Variants in PPP3CA observed in about 807,000 individuals in gnomAD.
PPP3CA encodes the protein CAM-PRP catalytic subunit.
In PPP3CA, 14 loss-of-function variants were observed where a neutral mutation model predicts 66.5. That is an observed-to-expected ratio of 0.21 (90% CI 0.14 to 0.33). The LOEUF (loss-of-function observed/expected upper bound fraction) is 0.33. Ranked by LOEUF, PPP3CA falls within the 10% of genes least tolerant of loss-of-function variation. PPP3CA has a pLI of 1.00. For synonymous variants in PPP3CA, 232 were observed against 226.2 expected (o/e 1.03, Z -0.23); for missense variants, 317 against 639.5 (o/e 0.50, Z 5.44).
At chr4:101,203,567 C>A (rs572578228) in intron 1 of PPP3CA, among the ~76,000 whole-genome samples, 1 of 152,104 alleles carries the variant, frequency 6.6e-6, no homozygotes, top group Non-Finnish European at 1.5e-5. Context: ...AAAATAAGTA[C>A]CTGAGCAGGA....
chr4:101,274,921 T>C (rs1243509915), intron 1 of PPP3CA, among the ~76,000 whole-genome samples: 1 of 152,214 alleles, frequency 6.6e-6, no homozygotes, highest in Admixed American at 6.5e-5. Context: ...TGAGATAAAT[T>C]GTGTGAGTAA....
rs1342966903 is a variant in PPP3CA, at chr4:101,286,479, T to C, written c.58+60260A>G. ...AAGTTTTGCACCTGGAAATATCTAC[T>C]TCACTGAAAAGTTACCAAGAAGGTA... On this transcript the variant is annotated intron_variant, in intron 1 of 13. Transcript: ENST00000394854. Among the ~76,000 whole-genome samples the C allele has an allele frequency of 2.0e-5, 3 of 152,190 alleles. No homozygotes were observed. In the East Asian group the frequency reaches 5.8e-4, roughly 29 times the overall value.
chr4:101,029,328 G>C (rs2110202774), intron 12 of PPP3CA, 133 bp from the exon 13 acceptor site: 20 of 181,586 alleles, frequency 1.1e-4, no homozygotes, highest in East Asian at 7.8e-4. Context: ...TTCTGGCACA[G>C]ACAACAAAAC....
At chr4:101,080,710 A>G in intron 7 of PPP3CA, 84 bp from the exon 8 acceptor site, 2 of 779,866 alleles carry the variant, frequency 2.6e-6, no homozygotes, top group Admixed American at 3.1e-5. Flanking sequence ...AGAAAATTAG[A>G]TGAGTCAAGT....
At chr4:101,147,071 G>T (rs1032127759) in intron 2 of PPP3CA, among the ~76,000 whole-genome samples, 33 of 152,264 alleles carry the variant, frequency 2.2e-4, no homozygotes, top group African/African-American at 7.7e-4. Context: ...GCAGATAAAG[G>T]TTAAAATTTG....
intron 2 of PPP3CA, among the ~76,000 whole-genome samples, chr4:101,113,973 C>T (rs1232304303): frequency 6.6e-6 from 1 of 152,100 alleles, no homozygotes; most frequent in African/African-American, 2.4e-5. Flanking sequence ...AACAACCAGG[C>T]TCTGACAATT....
intron 2 of PPP3CA, among the ~76,000 whole-genome samples, chr4:101,112,691 A>C (rs1317442655): frequency 6.6e-6 from 1 of 152,142 alleles, no homozygotes; most frequent in East Asian, 1.9e-4. Context: ...CATACACGTC[A>C]CATGCTCAGT....
At chr4:101,254,657 A>T (rs1726783208) in intron 1 of PPP3CA, among the ~76,000 whole-genome samples, 1 of 151,966 alleles carries the variant, frequency 6.6e-6, no homozygotes, top group South Asian at 2.1e-4. Flanking sequence ...AAGAGAGAAC[A>T]TTATCTAAAT....
At chr4:101,319,639 A>G (rs1728980727) in intron 1 of PPP3CA, among the ~76,000 whole-genome samples, 1 of 152,132 alleles carries the variant, frequency 6.6e-6, no homozygotes, top group Non-Finnish European at 1.5e-5. Flanking sequence ...AATCAGGTTA[A>G]TGGAGAAAAA....
At chr4:101,252,049 T>C (rs1002732330) in intron 1 of PPP3CA, among the ~76,000 whole-genome samples, 1 of 152,182 alleles carries the variant, frequency 6.6e-6, no homozygotes, top group African/African-American at 2.4e-5. Flanking sequence ...CCACGTGCCA[T>C]TACTAAAACT....
Position 101,106,458 on chromosome 4 carries a change from A to AGAAAGAAAGAAAGAAAGAAAGAAGAGAAG in PPP3CA, c.384+2495_384+2496insCTTCTCTTCTTTCTTTCTTTCTTTCTTTC, listed in dbSNP as rs1560605216. On this transcript the variant is annotated intron_variant, in intron 3 of 13. Transcript: ENST00000394854. The stretch of plus-strand genomic sequence containing the variant: ...GAAAGAAAGAAAGAAAGAAAGAGAA[A>AGAAAGAAAGAAAGAAAGAAAGAAGAGAAG]AGAAAAGAAAAGAAAAGAAAAGAAA... Among the ~76,000 whole-genome samples, 23 of 32,712 alleles carry AGAAAGAAAGAAAGAAAGAAAGAAGAGAAG rather than the reference A, an allele frequency of 7.0e-4. 2 individuals carry two copies. Among genetic ancestry groups the AGAAAGAAAGAAAGAAAGAAAGAAGAGAAG allele is most frequent in the South Asian group, 2.8e-3 (2 of 722 alleles). 21.5% of individuals were successfully genotyped at this position (32,712 alleles called of 152,430 possible). A position where few individuals can be genotyped will look rare whatever the true frequency, so the allele number is the denominator to read the frequency against.
intron 1 of PPP3CA, among the ~76,000 whole-genome samples, chr4:101,280,388 T>G (rs1167429319): frequency 6.6e-6 from 1 of 152,118 alleles, no homozygotes; most frequent in Non-Finnish European, 1.5e-5. Flanking sequence ...AAGGCCACCA[T>G]TACTGCTCAG....
chr4:101,235,710 T>G (rs764239321), intron 1 of PPP3CA, among the ~76,000 whole-genome samples: 11 of 151,880 alleles, frequency 7.2e-5, no homozygotes, highest in Non-Finnish European at 1.5e-4. Flanking sequence ...GAATAATCAT[T>G]ACTTATTTGA....
intron 1 of PPP3CA, among the ~76,000 whole-genome samples, chr4:101,334,891 A>T (rs145774792): frequency 3.8e-4 from 57 of 151,628 alleles, no homozygotes; most frequent in African/African-American, 1.0e-3. Flanking sequence ...GAACCACTAT[A>T]AAAAAAAATG....
chr4:101,046,715 G>A (rs538054255), intron 10 of PPP3CA, among the ~76,000 whole-genome samples: 22 of 152,024 alleles, frequency 1.4e-4, no homozygotes, highest in African/African-American at 5.3e-4. Context: ...TTTTTATCAT[G>A]GGTCAATATT....
chr4:101,211,004 A>G (rs896657395), intron 1 of PPP3CA, among the ~76,000 whole-genome samples: 5 of 152,240 alleles, frequency 3.3e-5, no homozygotes, highest in African/African-American at 1.2e-4. Context: ...AATTGTTTAG[A>G]ACAGTATCTG....
intron 2 of PPP3CA, among the ~76,000 whole-genome samples, chr4:101,165,589 G>A (rs572225213): frequency 2.0e-4 from 31 of 152,142 alleles, no homozygotes; most frequent in African/African-American, 6.5e-4. Context: ...AAAAACCCTT[G>A]AACATCTGAA....
chr4:101,154,584 G>A (rs1272952468), intron 2 of PPP3CA, among the ~76,000 whole-genome samples: 1 of 152,132 alleles, frequency 6.6e-6, no homozygotes, highest in Non-Finnish European at 1.5e-5. Context: ...TTGTCACAGA[G>A]ATAATAGAGA....
chr4:101,040,703 T>TA, intron 10 of PPP3CA, 137 bp from the exon 11 acceptor site: 1 of 639,198 alleles, frequency 1.6e-6, no homozygotes, highest in South Asian at 3.0e-5. Context: ...GATTTATCTG[T>TA]AAATCAAATT....
Sources: allele counts gnomAD v4.1 joint callset (sites outside exome capture counted in the v4.1 genomes callset), GRCh38; gene constraint gnomAD v4.1.1; transcripts MANE v1.5; gene names NCBI Gene and HGNC (gene_info 2026-07-23, HGNC 2026-07-21).